Variants in LMO7 observed in about 807,000 individuals in gnomAD.
LMO7 encodes the protein LIM domain only protein 7.
LMO7 carries 120 observed loss-of-function variants against 206.5 expected under a neutral mutation model. The ratio of observed to expected loss-of-function variants is 0.58; its 90% confidence interval spans 0.50 to 0.68. The LOEUF (loss-of-function observed/expected upper bound fraction) is 0.68, where lower values mean the gene tolerates loss of function less well. Ranked by LOEUF, LMO7 falls within the 30% of genes least tolerant of loss-of-function variation. The pLI is 0.00. For synonymous variants in LMO7, 706 were observed against 681.5 expected (o/e 1.04, Z -0.56); for missense variants, 1,959 against 1,957.9 (o/e 1.00, Z -0.01).
chr13:75,703,739 T>TGC (rs139795442), intron 1 of LMO7, among the ~76,000 whole-genome samples: 9,263 of 151,754 alleles, frequency 0.061, 457 homozygotes, highest in Non-Finnish European at 0.086. Context: ...TGTGTGTGTG[T>TGC]GCACTGTGAG....
chr13:75,653,247 C>T (rs1338801324), intron 1 of LMO7, among the ~76,000 whole-genome samples: 2 of 152,206 alleles, frequency 1.3e-5, no homozygotes, highest in Admixed American at 1.3e-4. Context: ...CAACTGTGTC[C>T]TGCAAATAAG....
In LMO7 at chr13:75,835,008, T is replaced by C. The variant is rs550700021; in HGVS notation, c.3227-225T>C. On this transcript the variant is annotated intron_variant, in intron 17 of 30. Transcript: ENST00000377534. The stretch of plus-strand genomic sequence containing the variant: ...AAGGTGGTCTGTTGGTAAAAAGCCC[T>C]AAACTCTTGATTTATTTCACACGCT... 1.7e-5 allele frequency: 8 copies of C among 468,098 alleles called. 1 individual carries two copies. The South Asian group carries it at 7.2e-4, about 42-fold the overall frequency. The allele number at this position is 468,098 out of a possible 1,614,324, so 29.0% of individuals were successfully genotyped here.
intron 30 of LMO7, 158 bp downstream of exon 30, chr13:75,856,766 A>G (rs2060996336): frequency 1.2e-5 from 7 of 575,448 alleles, no homozygotes; most frequent in Admixed American, 2.7e-5. Flanking sequence ...GAGTGTGTAT[A>G]GTGAATGGGT....
intron 1 of LMO7, among the ~76,000 whole-genome samples, chr13:75,698,677 A>G (rs1235349775): frequency 6.6e-6 from 1 of 151,284 alleles, no homozygotes; most frequent in Non-Finnish European, 1.5e-5. Context: ...CTTCTGTTGA[A>G]CTTCTTTTGT....
At chr13:75,709,487 A>G (rs1427328394) in intron 1 of LMO7, among the ~76,000 whole-genome samples, 2 of 151,900 alleles carry the variant, frequency 1.3e-5, no homozygotes, top group Non-Finnish European at 2.9e-5. Context: ...AATGATTGCC[A>G]TTCTAACTGG....
At chr13:75,768,781 G>A (rs1041598785) in intron 4 of LMO7, among the ~76,000 whole-genome samples, 13 of 152,066 alleles carry the variant, frequency 8.5e-5, no homozygotes, top group Non-Finnish European at 1.8e-4. Context: ...TTTTGGAATA[G>A]GTGTTCAAAA....
chr13:75,750,805 G>A (rs1461011537), intron 3 of LMO7, among the ~76,000 whole-genome samples: 4 of 152,152 alleles, frequency 2.6e-5, no homozygotes, highest in African/African-American at 7.2e-5. Flanking sequence ...CTGTGGCCAC[G>A]CTTTGTGTAG....
intron 3 of LMO7, among the ~76,000 whole-genome samples, chr13:75,754,910 A>G (rs967374976): frequency 2.0e-5 from 3 of 152,254 alleles, no homozygotes; most frequent in Non-Finnish European, 4.4e-5. Context: ...TAATGGAAAT[A>G]GAGAAGAGTT....
At chr13:75,766,179 G>A (rs973621565) in intron 4 of LMO7, among the ~76,000 whole-genome samples, 2 of 149,750 alleles carry the variant, frequency 1.3e-5, no homozygotes, top group Admixed American at 6.6e-5. Flanking sequence ...GGCCGCCTAT[G>A]TTGACTTAAT....
chr13:75,812,521 G>T (rs901765040), intron 11 of LMO7, among the ~76,000 whole-genome samples: 3 of 151,220 alleles, frequency 2.0e-5, no homozygotes, highest in African/African-American at 4.8e-5. Context: ...CCACATGCTG[G>T]TTCTTTTCGA....
At chr13:75,819,309 A>G in intron 12 of LMO7, 84 bp from the exon 13 acceptor site, 2 of 1,449,020 alleles carry the variant, frequency 1.4e-6, no homozygotes, top group Non-Finnish European at 1.8e-6. Context: ...CAGTGATGTA[A>G]TAAGATACTC....
chr13:75,650,726 A>AT (rs1017694783), intron 1 of LMO7, among the ~76,000 whole-genome samples: 17 of 152,022 alleles, frequency 1.1e-4, no homozygotes, highest in African/African-American at 3.6e-4. Flanking sequence ...AAATAAATTG[A>AT]TTTTTTTGTC....
intron 15 of LMO7, among the ~76,000 whole-genome samples, chr13:75,832,544 G>T (rs1431775566): frequency 5.3e-5 from 8 of 152,136 alleles, no homozygotes; most frequent in Non-Finnish European, 1.0e-4. Context: ...AACTTCACAT[G>T]CCCACTAGGG....
intron 3 of LMO7, among the ~76,000 whole-genome samples, chr13:75,747,993 A>T (rs1157334015): frequency 6.6e-6 from 1 of 152,130 alleles, no homozygotes; most frequent in African/African-American, 2.4e-5. Context: ...ATCTCTGAGT[A>T]TTTACCTATA....
At chr13:75,821,978 C>A (rs1422867673) in intron 14 of LMO7, among the ~76,000 whole-genome samples, 1 of 151,184 alleles carries the variant, frequency 6.6e-6, no homozygotes, top group East Asian at 1.9e-4. Flanking sequence ...AACAGCAATT[C>A]ATATGGTTTA....
intron 20 of LMO7, among the ~76,000 whole-genome samples, chr13:75,838,664 TG>T (rs1416407473): frequency 1.3e-5 from 2 of 152,194 alleles, no homozygotes; most frequent in Admixed American, 6.5e-5. Flanking sequence ...GAGTTATTTT[TG>T]CTATGGGATG....
At chr13:75,658,180 T>A (rs1267312677) in intron 1 of LMO7, among the ~76,000 whole-genome samples, 1 of 152,184 alleles carries the variant, frequency 6.6e-6, no homozygotes, top group Non-Finnish European at 1.5e-5. Context: ...CTTTTTGAGT[T>A]CTCTCTAACT....
rs141493020 is a variant in LMO7, at chr13:75,704,593, C to A, written c.70-8589C>A. Among the ~76,000 whole-genome samples the A allele has an allele frequency of 2.3e-3, 356 of 152,230 alleles. 4 individuals are homozygous for A. The highest frequency in any genetic ancestry group is 8.2e-3 in the African/African-American group (340 of 41,538). On this transcript the variant is annotated intron_variant, in intron 1 of 30. Coordinates refer to ENST00000377534, the MANE Select transcript of LMO7 (RefSeq NM_001306080.2). ...GAGAGTGCTTTTGGGATTCTAGGCACCTTTTAAATGGCTGCTTAAAAGAAA... is the reference window on the plus strand; with the variant it reads ...GAGAGTGCTTTTGGGATTCTAGGCAACTTTTAAATGGCTGCTTAAAAGAAA...
chr13:75,739,847 C>A (rs2046276343), intron 3 of LMO7, among the ~76,000 whole-genome samples: 1 of 152,166 alleles, frequency 6.6e-6, no homozygotes, highest in African/African-American at 2.4e-5. Context: ...CCTATCCCCA[C>A]TTATTCTCTC....
Sources: gnomAD v4.1 joint callset for allele counts (sites outside exome capture counted in the v4.1 genomes callset) on GRCh38, gnomAD v4.1.1 for gene constraint, MANE v1.5 for transcripts, NCBI Gene and HGNC (gene_info 2026-07-23, HGNC 2026-07-21) for gene names.